Variants in GRM3 observed in about 807,000 individuals in gnomAD.
GRM3 encodes metabotropic glutamate receptor 3.
Under a neutral mutation model 70.5 loss-of-function variants are expected in GRM3, and 26 were observed. That is an observed-to-expected ratio of 0.37 (90% CI 0.27 to 0.51). The LOEUF (loss-of-function observed/expected upper bound fraction) is 0.51. GRM3 is among the 20% of genes least tolerant of loss of function. The pLI is 0.93. For synonymous variants in GRM3, 443 were observed against 434.9 expected, an observed-to-expected ratio of 1.02 and a Z score of -0.23; for missense variants, 859 against 1,123.8, an observed-to-expected ratio of 0.76 and a Z score of 3.37.
intron 3 of GRM3, among the ~76,000 whole-genome samples, chr7:86,830,152 C>A (rs1324763427): frequency 6.6e-6 from 1 of 152,114 alleles, no homozygotes; most frequent in Non-Finnish European, 1.5e-5. Context: ...GGTCAGACAG[C>A]CTCTACCTAT....
intron 4 of GRM3, among the ~76,000 whole-genome samples, chr7:86,843,351 G>T (rs761422445): frequency 1.3e-5 from 2 of 152,070 alleles, no homozygotes. Flanking sequence ...TACCACAGAC[G>T]CATCCATAAT....
At chr7:86,720,521 T>A (rs966392182) in intron 1 of GRM3, among the ~76,000 whole-genome samples, 1 of 152,038 alleles carries the variant, frequency 6.6e-6, no homozygotes, top group Admixed American at 6.6e-5. Flanking sequence ...TGATATAGAA[T>A]ACCAGGAAAC....
chr7:86,774,451 C>G (rs531903286), intron 2 of GRM3, among the ~76,000 whole-genome samples: 2 of 152,068 alleles, frequency 1.3e-5, no homozygotes, highest in African/African-American at 4.8e-5. Flanking sequence ...CTATTTTTGA[C>G]AACACCACCT....
chr7:86,677,093 T>C (rs1794324932), intron 1 of GRM3, among the ~76,000 whole-genome samples: 1 of 151,948 alleles, frequency 6.6e-6, no homozygotes, highest in Non-Finnish European at 1.5e-5. Flanking sequence ...TTGGTATAAC[T>C]GTTTGGAGCC....
chr7:86,649,268 A>G (rs573039740), intron 1 of GRM3, among the ~76,000 whole-genome samples: 1 of 152,310 alleles, frequency 6.6e-6, no homozygotes, highest in East Asian at 1.9e-4. Context: ...TTCTTGGTAT[A>G]GAAAATGTAG....
intron 3 of GRM3, among the ~76,000 whole-genome samples, chr7:86,806,003 G>A (rs942584474): frequency 1.3e-5 from 2 of 151,362 alleles, no homozygotes; most frequent in Admixed American, 1.3e-4. Flanking sequence ...GTGGTGTTTA[G>A]TTTTCTGTCC....
At chr7:86,848,326 A>G (rs1258978418) in intron 4 of GRM3, among the ~76,000 whole-genome samples, 2 of 152,158 alleles carry the variant, frequency 1.3e-5, no homozygotes, top group East Asian at 3.9e-4. Context: ...ATGTTCCCCA[A>G]TCCACCAGTT....
rs759326103 is a variant in GRM3, at chr7:86,765,320, C to A, written c.175C>A (p.Arg59=). The A allele has an allele frequency of 1.2e-6, 2 of 1,613,710 alleles. No homozygotes were observed. Among genetic ancestry groups the A allele is most frequent in the Non-Finnish European group, 8.5e-7 (1 of 1,179,828 alleles). The change falls in exon 2 of 6, where the codon CGA becomes AGA. Residue 59 remains arginine, a synonymous_variant. Transcript: ENST00000361669. ...EKGTGTEECG[R]INEDRGIQRL... is the part of the protein sequence containing the mutation. ...AGGCACTGGAACTGAAGAATGTGGGCGAATCAATGAAGACCGAGGGATTCA... is the reference window on the plus strand; with the variant it reads ...AGGCACTGGAACTGAAGAATGTGGGAGAATCAATGAAGACCGAGGGATTCA...
At chr7:86,841,347 T>C (rs1798555786) in intron 4 of GRM3, among the ~76,000 whole-genome samples, 1 of 152,118 alleles carries the variant, frequency 6.6e-6, no homozygotes, top group African/African-American at 2.4e-5. Context: ...AGACTACCTA[T>C]AAAAATTTTG....
chr7:86,752,319 C>T (rs189036063), intron 1 of GRM3, among the ~76,000 whole-genome samples: 76 of 152,148 alleles, frequency 5.0e-4, no homozygotes, highest in Admixed American at 3.2e-3. Context: ...GAAATGGGCC[C>T]TTGTGTAACA....
At chr7:86,790,665 T>C (rs1797387482) in intron 3 of GRM3, among the ~76,000 whole-genome samples, 1 of 152,088 alleles carries the variant, frequency 6.6e-6, no homozygotes, top group African/African-American at 2.4e-5. Flanking sequence ...CCTTTTACTC[T>C]CCTTCTTTCT....
intron 1 of GRM3, among the ~76,000 whole-genome samples, chr7:86,672,822 T>C (rs1400019261): frequency 1.3e-5 from 2 of 152,190 alleles, no homozygotes; most frequent in African/African-American, 2.4e-5. Flanking sequence ...CAAATGCTTT[T>C]CTCTGACTTT....
chr7:86,801,159 C>G (rs1204270951), intron 3 of GRM3, among the ~76,000 whole-genome samples: 1 of 149,670 alleles, frequency 6.7e-6, no homozygotes, highest in Non-Finnish European at 1.5e-5. Context: ...CAACCTCTGC[C>G]TCCCGAGTTC....
intron 2 of GRM3, among the ~76,000 whole-genome samples, chr7:86,783,071 A>G (rs1202325655): frequency 6.6e-6 from 1 of 152,180 alleles, no homozygotes; most frequent in East Asian, 1.9e-4. Flanking sequence ...TATGGCCAGT[A>G]AAGTAAGTCA....
chr7:86,818,951 T>C (rs1829565693), intron 3 of GRM3, among the ~76,000 whole-genome samples: 1 of 152,110 alleles, frequency 6.6e-6, no homozygotes, highest in South Asian at 2.1e-4. Flanking sequence ...CCTCATCAGA[T>C]CTCTAATCAG....
At chr7:86,780,257 C>A (rs980134635) in intron 2 of GRM3, among the ~76,000 whole-genome samples, 3 of 152,138 alleles carry the variant, frequency 2.0e-5, no homozygotes, top group Non-Finnish European at 4.4e-5. Flanking sequence ...ATGGCTGGGT[C>A]AAATGGTATT....
At chr7:86,733,681 G>T (rs922021624) in intron 1 of GRM3, among the ~76,000 whole-genome samples, 4 of 152,148 alleles carry the variant, frequency 2.6e-5, no homozygotes, top group Admixed American at 1.3e-4. Context: ...TAACAGATCT[G>T]GGGGGAGTTG....
chr7:86,792,590 G>T (rs1157266450), intron 3 of GRM3, among the ~76,000 whole-genome samples: 1 of 152,140 alleles, frequency 6.6e-6, no homozygotes, highest in Non-Finnish European at 1.5e-5. Flanking sequence ...CAGAGTAAAT[G>T]CCAAGGTCCT....
At chr7:86,742,197 T>C (rs1462707584) in intron 1 of GRM3, among the ~76,000 whole-genome samples, 3 of 152,178 alleles carry the variant, frequency 2.0e-5, no homozygotes. Context: ...TTGCTTAGTT[T>C]CTTCAAGGCA....
Sources: allele counts gnomAD v4.1 joint callset (sites outside exome capture counted in the v4.1 genomes callset), GRCh38; gene constraint gnomAD v4.1.1; transcripts MANE v1.5; gene names NCBI Gene and HGNC (gene_info 2026-07-23, HGNC 2026-07-21).